The following MEIG1 variants were observed in gnomAD, a reference collection of about 807,000 sequenced individuals.
The protein encoded by MEIG1 is meiosis/spermiogenesis associated 1.
In MEIG1, 12 loss-of-function variants were observed where a neutral mutation model predicts 11.3. That is an observed-to-expected ratio of 1.07 (90% CI 0.68 to 1.73). MEIG1 has a LOEUF of 1.73. Among genes scored for constraint, MEIG1 ranks in the 40% most tolerant of loss-of-function variants. The probability of loss-of-function intolerance (pLI) is 0.00; values close to 1 mark genes in which losing one functional copy is unlikely to be tolerated. For synonymous variants in MEIG1, 41 were observed against 33.2 expected, an observed-to-expected ratio of 1.24 and a Z score of -0.81; for missense variants, 119 against 104.9, an observed-to-expected ratio of 1.13 and a Z score of -0.59.
intron 2 of MEIG1, among the ~76,000 whole-genome samples, chr10:14,969,792 T>C (rs951138308): frequency 6.6e-6 from 1 of 151,546 alleles, no homozygotes; most frequent in African/African-American, 2.4e-5. Flanking sequence ...GCTGAGATCA[T>C]GCCACTGCAC....
At chr10:14,984,177 G>C (rs1212061933) in intron 1 of MEIG1, among the ~76,000 whole-genome samples, 2 of 151,804 alleles carry the variant, frequency 1.3e-5, no homozygotes, top group African/African-American at 4.8e-5. Flanking sequence ...CAGGCGGGGA[G>C]AGGGGGGTGC....
rs555173698 is a variant in MEIG1 at position 14,986,218 on chromosome 10, G to A, written n.67-578G>A. On this transcript the variant is annotated intron_variant and non_coding_transcript_variant, in intron 1 of 2. Transcript: ENST00000467536. ...CGCATGCCTGTAATCCCAGCTACTC[G>A]GGAGGTGGAGGCAGAAGAATCGCTT... Among the ~76,000 whole-genome samples the A allele has an allele frequency of 1.0e-3, 158 of 152,186 alleles. 1 individual carries two copies. The highest frequency in any genetic ancestry group is 3.7e-3 in the African/African-American group (153 of 41,522).
Position 14,985,026 on chromosome 10 carries a change from G to A in MEIG1, n.67-1770G>A, listed in dbSNP as rs143169284. On this transcript the variant is annotated intron_variant and non_coding_transcript_variant, in intron 1 of 2. Coordinates refer to the MEIG1 transcript ENST00000467536. ...GCGTGTACACCCTTTGATATTATTC[G>A]TATTGTCTTGAAGAGATGTTACTAC... is the stretch of plus-strand genomic sequence containing the variant. Among the ~76,000 whole-genome samples the A allele has an allele frequency of 9.3e-4, 142 of 152,078 alleles. 1 individual carries two copies. In the East Asian group the frequency reaches 0.022, roughly 24 times the overall value.
chr10:14,981,415 A>C (rs572416594), intron 1 of MEIG1, among the ~76,000 whole-genome samples: 32 of 152,242 alleles, frequency 2.1e-4, no homozygotes, highest in East Asian at 7.7e-4. Flanking sequence ...TGGCATGTAC[A>C]AAAACTGATG....
At chr10:14,981,894 G>C (rs919545263) in intron 1 of MEIG1, among the ~76,000 whole-genome samples, 1 of 152,188 alleles carries the variant, frequency 6.6e-6, no homozygotes, top group Non-Finnish European at 1.5e-5. Context: ...CTAACAAACA[G>C]GTCGGCGTTT....
chr10:14,957,881 C>T (rs1335794716), upstream of MEIG1, among the ~76,000 whole-genome samples: 3 of 152,068 alleles, frequency 2.0e-5, no homozygotes, highest in South Asian at 2.1e-4. Context: ...CTCCTGACCT[C>T]GTGATCTGCC....
chr10:14,959,158 A>G (rs2131256389), upstream of MEIG1, among the ~76,000 whole-genome samples: 1 of 152,262 alleles, frequency 6.6e-6, no homozygotes, highest in Admixed American at 6.5e-5. Context: ...TTCACAGGGA[A>G]TTTTGTCTGG....
At chr10:14,985,422 G>C (rs1307777925) in intron 1 of MEIG1, among the ~76,000 whole-genome samples, 1 of 151,908 alleles carries the variant, frequency 6.6e-6, no homozygotes, top group Non-Finnish European at 1.5e-5. Flanking sequence ...TATATCCTTG[G>C]GGGTGTTACT....
intron 2 of MEIG1, among the ~76,000 whole-genome samples, chr10:14,970,048 A>G (rs1320924766): frequency 6.6e-6 from 1 of 152,202 alleles, no homozygotes; most frequent in Non-Finnish European, 1.5e-5. Context: ...TAGTGTCCCC[A>G]GTGGCATTTG....
At chr10:14,977,996 A>G (rs1279603935) in intron 1 of MEIG1, among the ~76,000 whole-genome samples, 2 of 151,006 alleles carry the variant, frequency 1.3e-5, no homozygotes, top group Admixed American at 1.3e-4. Context: ...TGTCACAGGG[A>G]TTGTACACCC....
At chr10:14,983,767 T>C (rs1421039787) in intron 1 of MEIG1, among the ~76,000 whole-genome samples, 1 of 151,968 alleles carries the variant, frequency 6.6e-6, no homozygotes, top group Non-Finnish European at 1.5e-5. Context: ...GCAGGGTGTG[T>C]ATATCCCCCC....
At chr10:14,986,756 G>C in intron 1 of MEIG1, 1 of 333,418 alleles carries the variant, frequency 3.0e-6, no homozygotes, top group Non-Finnish European at 5.8e-6. Context: ...ACTACAGGCA[G>C]GCGTCACCAA....
chr10:14,970,566 C>G (rs1261624837), intron 2 of MEIG1: 2 of 152,192 alleles, frequency 1.3e-5, no homozygotes, highest in African/African-American at 4.8e-5. Context: ...GCCACACAGG[C>G]AGGTGTGGCC....
chr10:14,981,869 C>T (rs1350179585), intron 1 of MEIG1, among the ~76,000 whole-genome samples: 1 of 152,226 alleles, frequency 6.6e-6, no homozygotes, highest in Non-Finnish European at 1.5e-5. Context: ...GGGGGGACCC[C>T]TCTGATTGCT....
chr10:14,970,196 C>T (rs938554407), intron 2 of MEIG1: 2 of 152,184 alleles, frequency 1.3e-5, no homozygotes, highest in Non-Finnish European at 2.9e-5. Flanking sequence ...CTGACCTTCC[C>T]TCCTGAGGGG....
upstream of MEIG1, among the ~76,000 whole-genome samples, chr10:14,959,013 A>T (rs1842979799): frequency 1.3e-5 from 2 of 152,214 alleles, no homozygotes; most frequent in Non-Finnish European, 2.9e-5. Context: ...AAAGCTATAG[A>T]TATCATCTAT....
chr10:14,954,314 T>A, the MEIG1 span: 1 of 489,292 alleles, frequency 2.0e-6, no homozygotes, highest in Non-Finnish European at 3.7e-6. Context: ...GGTAAGGCGT[T>A]GCCCATGTCT....
chr10:14,967,622 G>A (rs886265002), intron 2 of MEIG1, among the ~76,000 whole-genome samples: 4 of 151,676 alleles, frequency 2.6e-5, no homozygotes, highest in South Asian at 2.1e-4. Context: ...CTTAAGAGAC[G>A]TGTTTTTACA....
At chr10:14,979,884 C>T (rs145176252) in intron 1 of MEIG1, among the ~76,000 whole-genome samples, 5 of 151,954 alleles carry the variant, frequency 3.3e-5, no homozygotes, top group Non-Finnish European at 5.9e-5. Context: ...TTCGTTATAT[C>T]GTAGAAGTAT....
Sources: gnomAD v4.1 joint callset for allele counts (sites outside exome capture counted in the v4.1 genomes callset) on GRCh38, gnomAD v4.1.1 for gene constraint, MANE v1.5 for transcripts, NCBI Gene and HGNC (gene_info 2026-07-23, HGNC 2026-07-21) for gene names.